ST3GAL3: variants seen among roughly 807,000 people sequenced by gnomAD.
ST3GAL3 encodes ST3 beta-galactoside alpha-2,3-sialyltransferase 3, also known as CMP-N-acetylneuraminate-beta-1,4-galactoside alpha-2,3-sialyltransferase.
A neutral mutation model predicts 50.1 loss-of-function variants in ST3GAL3; 21 were observed. The observed-to-expected ratio is 0.42, with a 90% CI of 0.30 to 0.60. ST3GAL3 has a LOEUF of 0.60. ST3GAL3 is among the 20% of genes least tolerant of loss of function. The pLI, the probability that ST3GAL3 is intolerant of heterozygous loss-of-function variation, is 0.19. For missense variants in ST3GAL3, 353 were observed against 489.4 expected, an observed-to-expected ratio of 0.72 and a Z score of 2.63; for synonymous variants, 183 against 190.0, an observed-to-expected ratio of 0.96 and a Z score of 0.30.
At chr1:43,708,293 A>G (rs1662585966) in intron 1 of ST3GAL3, among the ~76,000 whole-genome samples, 1 of 152,136 alleles carries the variant, frequency 6.6e-6, no homozygotes, top group African/African-American at 2.4e-5. Flanking sequence ...TCCTTTTTAC[A>G]ACAATGTCCA....
intron 5 of ST3GAL3, chr1:43,879,103 C>T (rs114839368): frequency 1.1e-4 from 49 of 455,250 alleles, no homozygotes; most frequent in Non-Finnish European, 1.9e-4. Flanking sequence ...TCAGAGAAGA[C>T]GTCCCTGAGG....
intron 5 of ST3GAL3, among the ~76,000 whole-genome samples, chr1:43,873,159 C>A (rs1389377322): frequency 1.3e-5 from 2 of 152,114 alleles, no homozygotes; most frequent in Non-Finnish European, 2.9e-5. Flanking sequence ...GCAAGGCAGT[C>A]CGATTGGGAG....
intron 9 of ST3GAL3, 56 bp from the exon 10 acceptor site, chr1:43,920,348 C>T: frequency 2.5e-6 from 4 of 1,613,176 alleles, no homozygotes; most frequent in Non-Finnish European, 3.4e-6. Flanking sequence ...TGCCACTCCC[C>T]TAGGCTCATC....
intron 4 of ST3GAL3, among the ~76,000 whole-genome samples, chr1:43,829,427 A>G (rs1236582845): frequency 2.6e-5 from 4 of 152,180 alleles, no homozygotes; most frequent in African/African-American, 7.2e-5. Flanking sequence ...CTTCCTGTCT[A>G]TATCCACTGT....
At chr1:43,884,180 G>T (rs548451757) in intron 5 of ST3GAL3, among the ~76,000 whole-genome samples, 1 of 152,294 alleles carries the variant, frequency 6.6e-6, no homozygotes, top group East Asian at 1.9e-4. Flanking sequence ...GCTCCATCTA[G>T]TCCCATGTAA....
chr1:43,833,185 C>T (rs2063777828), intron 4 of ST3GAL3, among the ~76,000 whole-genome samples: 1 of 152,182 alleles, frequency 6.6e-6, no homozygotes, highest in South Asian at 2.1e-4. Flanking sequence ...GTCAATGACT[C>T]TTCCCCAGTT....
In ST3GAL3 at chr1:43,844,806, G is replaced by A. The variant is rs186424336; in HGVS notation, c.302+6495G>A. Among the ~76,000 whole-genome samples the A allele has an allele frequency of 2.1e-3, 312 of 149,350 alleles. 1 individual carries two copies. Among genetic ancestry groups the A allele is most frequent in the African/African-American group, 7.0e-3 (283 of 40,446 alleles). On this transcript the variant is annotated intron_variant, in intron 5 of 11. Transcript: ENST00000347631. ...CGTGCCACTGCACTCCAGCCTGGGC[G>A]ACATAGCAAGACTCCGTCTAAAAAA... is the stretch of plus-strand genomic sequence containing the variant.
At chr1:43,735,473 G>A (rs1055332791) in intron 1 of ST3GAL3, among the ~76,000 whole-genome samples, 1 of 152,202 alleles carries the variant, frequency 6.6e-6, no homozygotes, top group African/African-American at 2.4e-5. Flanking sequence ...GCATGAAAAG[G>A]ACTGTAGGCC....
chr1:43,863,551 G>A (rs1312698169), intron 5 of ST3GAL3, among the ~76,000 whole-genome samples: 1 of 152,234 alleles, frequency 6.6e-6, no homozygotes, highest in Non-Finnish European at 1.5e-5. Flanking sequence ...CACAAGTCAC[G>A]AAAAGCTTCA....
At chr1:43,829,995 C>CTTTTTTT (rs71579312) in intron 4 of ST3GAL3, among the ~76,000 whole-genome samples, 3 of 70,110 alleles carry the variant, frequency 4.3e-5, no homozygotes, top group Non-Finnish European at 7.8e-5. Flanking sequence ...ATAAAAATTC[C>CTTTTTTT]TTTTTTTTTT....
At chr1:43,814,786 C>A (rs1184873276) in intron 3 of ST3GAL3, 105 bp from the exon 4 acceptor site, 1 of 1,069,542 alleles carries the variant, frequency 9.3e-7, no homozygotes, top group African/African-American at 1.6e-5. Context: ...GAATTGTGTT[C>A]TTTTCCAAGG....
At chr1:43,724,598 T>C (rs986752523) in intron 1 of ST3GAL3, among the ~76,000 whole-genome samples, 1 of 152,180 alleles carries the variant, frequency 6.6e-6, no homozygotes, top group Admixed American at 6.5e-5. Context: ...TAGGTTCTTT[T>C]TTCAAATTGT....
intron 1 of ST3GAL3, among the ~76,000 whole-genome samples, chr1:43,715,942 C>G (rs1027570668): frequency 6.6e-6 from 1 of 152,188 alleles, no homozygotes; most frequent in Non-Finnish European, 1.5e-5. Context: ...GAAAATAGTT[C>G]TAAACTCATG....
At position 43,809,283 on chromosome 1, in the gene ST3GAL3, TC is replaced by T. The variant is rs985666500; in HGVS notation, c.167-5605del. Among the ~76,000 whole-genome samples the T allele has an allele frequency of 5.9e-3, 894 of 151,992 alleles. 12 individuals carry two copies. The highest frequency in any genetic ancestry group is 0.02 in the African/African-American group (840 of 41,422). ...AGGCACGGAAGATATGAAAAAAAAC[TC>T]CCAGAGGTGAAAAATACAGTGTCTG... On this transcript the variant is annotated intron_variant, in intron 3 of 11. Transcript: ENST00000347631.
intron 5 of ST3GAL3, chr1:43,851,660 G>T (rs998397866): frequency 4.6e-6 from 6 of 1,308,268 alleles, no homozygotes; most frequent in Non-Finnish European, 5.5e-6. Flanking sequence ...GTCTTTGAGG[G>T]GCTGCGCCAG....
At chr1:43,841,429 A>G (rs1413221861) in intron 5 of ST3GAL3, 2 of 152,224 alleles carry the variant, frequency 1.3e-5, no homozygotes, top group South Asian at 2.1e-4. Context: ...AGAATCCTCC[A>G]TTCTTGCACT....
intron 5 of ST3GAL3, among the ~76,000 whole-genome samples, chr1:43,846,130 G>A (rs1333443465): frequency 2.6e-5 from 4 of 152,170 alleles, no homozygotes; most frequent in African/African-American, 4.8e-5. Flanking sequence ...TCTATAAATG[G>A]CAATTAGCTT....
intron 2 of ST3GAL3, among the ~76,000 whole-genome samples, chr1:43,752,959 A>C (rs1218416887): frequency 2.0e-5 from 3 of 152,254 alleles, no homozygotes; most frequent in African/African-American, 7.2e-5. Flanking sequence ...ATATTTGAAC[A>C]GTAACTCATA....
At chr1:43,799,650 A>G (rs1431408564) in intron 3 of ST3GAL3, 1 of 152,164 alleles carries the variant, frequency 6.6e-6, no homozygotes, top group Non-Finnish European at 1.5e-5. Context: ...ATACTATCAC[A>G]TTGGATATCA....
Sources: allele counts gnomAD v4.1 joint callset (sites outside exome capture counted in the v4.1 genomes callset), GRCh38; gene constraint gnomAD v4.1.1; transcripts MANE v1.5; gene names NCBI Gene and HGNC (gene_info 2026-07-23, HGNC 2026-07-21).